PLEKHA8: variants seen among roughly 807,000 people sequenced by gnomAD.
The protein encoded by PLEKHA8 is pleckstrin homology domain-containing family A member 8.
A neutral mutation model predicts 68.2 loss-of-function variants in PLEKHA8; 36 were observed. The observed-to-expected ratio is 0.53, with a 90% CI of 0.40 to 0.70. PLEKHA8 has a LOEUF of 0.70. Ranked by LOEUF, PLEKHA8 falls within the 30% of genes least tolerant of loss-of-function variation. The probability of loss-of-function intolerance (pLI) is 0.00; values close to 1 mark genes in which losing one functional copy is unlikely to be tolerated. For synonymous variants in PLEKHA8, 211 were observed against 216.1 expected (o/e 0.98, Z 0.20); for missense variants, 505 against 615.4 (o/e 0.82, Z 1.90).
chr7:30,055,628 A>G (rs1792783667), intron 9 of PLEKHA8, among the ~76,000 whole-genome samples: 1 of 152,172 alleles, frequency 6.6e-6, no homozygotes, highest in Admixed American at 6.5e-5. Flanking sequence ...TGAGGAATAG[A>G]CCTTCAAATA....
rs1794880693 is a variant in PLEKHA8, at chr7:30,080,590, A to G, written c.*1803A>G. 1 of 985,264 alleles carries G rather than the reference A, an allele frequency of 1.0e-6. No homozygotes were observed. Among genetic ancestry groups the G allele is most frequent in the Admixed American group, 6.2e-5 (1 of 16,258 alleles). The allele number at this position is 985,264 out of a possible 1,614,324, so 61.0% of individuals were successfully genotyped here. A position where few individuals can be genotyped will look rare whatever the true frequency, so the allele number is the denominator to read the frequency against. On this transcript the variant is annotated 3_prime_UTR_variant, in exon 14 of 14. Coordinates refer to ENST00000449726, the MANE Select transcript of PLEKHA8 (RefSeq NM_001197026.2). ...TTTATTTAGCTCAGATTAATTAGGT[A>G]TTTTGCCCACATAAAGACTTCTGGA...
At chr7:30,036,983 G>C (rs778501139) in intron 1 of PLEKHA8, among the ~76,000 whole-genome samples, 1 of 152,132 alleles carries the variant, frequency 6.6e-6, no homozygotes, top group Admixed American at 6.5e-5. Context: ...TTTGCTGTCC[G>C]CATCCCTGTC....
At chr7:30,036,427 G>C (rs1335097473) in intron 1 of PLEKHA8, among the ~76,000 whole-genome samples, 5 of 147,664 alleles carry the variant, frequency 3.4e-5, no homozygotes, top group African/African-American at 1.3e-4. Flanking sequence ...TAGATAGATA[G>C]ATAGATAGAT....
chr7:30,057,453 G>C (rs1793084511), intron 9 of PLEKHA8, among the ~76,000 whole-genome samples: 1 of 151,218 alleles, frequency 6.6e-6, no homozygotes, highest in Non-Finnish European at 1.5e-5. Flanking sequence ...TTTGTAGTTT[G>C]GGACTCTTTT....
Position 30,080,853 on chromosome 7 carries a change from C to T in PLEKHA8, c.*2066C>T. Reference sequence around the variant, plus strand: ...CCCCTAAAACGGAAAAAGAAAAAGCCAGTTTTTGCTTGTACTTTGAATGAA... The same window carrying T: ...CCCCTAAAACGGAAAAAGAAAAAGCTAGTTTTTGCTTGTACTTTGAATGAA... On this transcript the variant is annotated 3_prime_UTR_variant, in exon 14 of 14. Transcript: ENST00000449726. The T allele has an allele frequency of 1.0e-6, 1 of 985,288 alleles. No homozygotes were observed. The highest frequency in any genetic ancestry group is 1.2e-6 in the Non-Finnish European group (1 of 829,912). 61.0% of individuals were successfully genotyped at this position (985,288 alleles called of 1,614,324 possible).
At chr7:30,071,389 T>G (rs1794228053) in intron 12 of PLEKHA8, among the ~76,000 whole-genome samples, 1 of 152,182 alleles carries the variant, frequency 6.6e-6, no homozygotes, top group Non-Finnish European at 1.5e-5. Flanking sequence ...TGCCGCACCA[T>G]CTACCACTCT....
intron 7 of PLEKHA8, among the ~76,000 whole-genome samples, chr7:30,054,102 C>T (rs770710319): frequency 6.6e-6 from 1 of 152,038 alleles, no homozygotes; most frequent in African/African-American, 2.4e-5. Context: ...TTTTAAACAG[C>T]AAAAACAATA....
chr7:30,083,611 C>G lies in PLEKHA8; in HGVS notation c.*4824C>G. Reference sequence around the variant, plus strand: ...TGATGCATGCATTGATCTTTCTTCTCTGCTGTTTTTATATAGCCTTTAATT... The same window carrying G: ...TGATGCATGCATTGATCTTTCTTCTGTGCTGTTTTTATATAGCCTTTAATT... On this transcript the variant is annotated 3_prime_UTR_variant, in exon 14 of 14. Transcript: ENST00000449726. 1.0e-6 allele frequency: 1 copy of G among 985,368 alleles called. No homozygotes were observed. The highest frequency in any genetic ancestry group is 1.2e-6 in the Non-Finnish European group (1 of 829,914). 61.0% of individuals were successfully genotyped at this position (985,368 alleles called of 1,614,324 possible). A position where few individuals can be genotyped will look rare whatever the true frequency, so the allele number is the denominator to read the frequency against.
chr7:30,107,596 G>A (rs965199325), intron 13 of PLEKHA8, among the ~76,000 whole-genome samples: 5 of 151,996 alleles, frequency 3.3e-5, no homozygotes, highest in South Asian at 4.2e-4. Context: ...AATAGAAGTG[G>A]CCATAGAAGA....
intron 7 of PLEKHA8, among the ~76,000 whole-genome samples, chr7:30,053,169 A>G (rs562011146): frequency 6.6e-6 from 1 of 152,312 alleles, no homozygotes; most frequent in East Asian, 1.9e-4. Flanking sequence ...AACTTAGATT[A>G]TGATGTTATA....
Position 30,083,557 on chromosome 7 carries a change from A to C in PLEKHA8, c.*4770A>C, listed in dbSNP as rs1795047875. ...CAGGCACTCCAGGGCATGATTAAAC[A>C]GTCATTAACAGTGCCTCTCTGGTAC... is the stretch of plus-strand genomic sequence containing the variant. On this transcript the variant is annotated 3_prime_UTR_variant, in exon 14 of 14. Transcript: ENST00000449726. 1 of 985,326 alleles carries C rather than the reference A, an allele frequency of 1.0e-6. No individual in the cohort carries two copies. The highest frequency in any genetic ancestry group is 4.7e-5 in the South Asian group (1 of 21,296). The allele number at this position is 985,326 out of a possible 1,614,324, so 61.0% of individuals were successfully genotyped here.
chr7:30,072,624 C>G (rs1452146209), intron 12 of PLEKHA8, among the ~76,000 whole-genome samples: 5 of 152,178 alleles, frequency 3.3e-5, no homozygotes, highest in Admixed American at 3.3e-4. Context: ...GGAACTTGTA[C>G]TTGTGGTTTT....
chr7:30,040,908 G>T lies in PLEKHA8; in HGVS notation c.41-4177G>T, dbSNP rs551659211. ...GATGGCATAAAAGAGGGTGGAGATT[G>T]GATAGGAAGATAGTCTAGTGGTCAT... On this transcript the variant is annotated intron_variant, in intron 1 of 13. Transcript: ENST00000449726. Among the ~76,000 whole-genome samples the T allele has an allele frequency of 5.9e-5, 9 of 152,294 alleles. No homozygotes were observed. The East Asian group carries it at 1.5e-3, about 26-fold the overall frequency.
At chr7:30,053,304 A>G (rs1433637827) in intron 7 of PLEKHA8, among the ~76,000 whole-genome samples, 1 of 152,200 alleles carries the variant, frequency 6.6e-6, no homozygotes, top group Non-Finnish European at 1.5e-5. Flanking sequence ...TTATCAAGCC[A>G]AAGTCCCACA....
chr7:30,075,333 A>C (rs748446081), intron 13 of PLEKHA8, among the ~76,000 whole-genome samples: 1 of 152,210 alleles, frequency 6.6e-6, no homozygotes, highest in African/African-American at 2.4e-5. Context: ...CTTACCTTCA[A>C]TACACCTTGA....
At chr7:30,077,394 C>T (rs1437860148) in intron 13 of PLEKHA8, among the ~76,000 whole-genome samples, 1 of 152,072 alleles carries the variant, frequency 6.6e-6, no homozygotes, top group Admixed American at 6.6e-5. Context: ...GGATAACTGC[C>T]TTCTCTTAAT....
chr7:30,115,416 TTA>T (rs932464743), intron 13 of PLEKHA8, among the ~76,000 whole-genome samples: 4 of 152,072 alleles, frequency 2.6e-5, no homozygotes, highest in Non-Finnish European at 5.9e-5. Flanking sequence ...CCTTTTTGTA[TTA>T]TATGTGTTTA....
At chr7:30,095,121 A>G (rs1368622953), downstream of PLEKHA8, among the ~76,000 whole-genome samples, 2 of 152,184 alleles carry the variant, frequency 1.3e-5, no homozygotes, top group African/African-American at 2.4e-5. Context: ...ACAATGGTTG[A>G]ACTAGTTTAC....
chr7:30,075,016 C>G (rs143900127), intron 13 of PLEKHA8: 1 of 152,136 alleles, frequency 6.6e-6, no homozygotes, highest in Non-Finnish European at 1.5e-5. Context: ...AAAAGGCAGT[C>G]TCATGCAGTT....
Sources: gnomAD v4.1 joint callset for allele counts (sites outside exome capture counted in the v4.1 genomes callset) on GRCh38, gnomAD v4.1.1 for gene constraint, MANE v1.5 for transcripts, NCBI Gene and HGNC (gene_info 2026-07-23, HGNC 2026-07-21) for gene names.